Variants in ARHGAP44 observed in about 807,000 individuals in gnomAD.
The protein encoded by ARHGAP44 is Rho GTPase activating protein 44.
In ARHGAP44, 43 loss-of-function variants were observed where a neutral mutation model predicts 106.8. The observed-to-expected ratio is 0.40, with a 90% CI of 0.32 to 0.52. The LOEUF (loss-of-function observed/expected upper bound fraction) is 0.52. ARHGAP44 is among the 20% of genes least tolerant of loss of function. The pLI, the probability that ARHGAP44 is intolerant of heterozygous loss-of-function variation, is 0.48. For missense variants in ARHGAP44, 866 were observed against 1,050.5 expected, an observed-to-expected ratio of 0.82 and a Z score of 2.43; for synonymous variants, 439 against 410.3, an observed-to-expected ratio of 1.07 and a Z score of -0.85.
intron 1 of ARHGAP44, among the ~76,000 whole-genome samples, chr17:12,863,595 G>T (rs2036153602): frequency 6.6e-6 from 1 of 152,124 alleles, no homozygotes; most frequent in South Asian, 2.1e-4. Context: ...GGAGAGACCT[G>T]GAGACAATAC....
At chr17:12,918,105 G>A (rs1341616496) in intron 5 of ARHGAP44, among the ~76,000 whole-genome samples, 1 of 152,200 alleles carries the variant, frequency 6.6e-6, no homozygotes, top group African/African-American at 2.4e-5. Context: ...GCCTCAAAAG[G>A]AGGGTCCCGG....
At chr17:12,851,557 C>T (rs75561345) in intron 1 of ARHGAP44, among the ~76,000 whole-genome samples, 57 of 152,090 alleles carry the variant, frequency 3.7e-4, no homozygotes, top group African/African-American at 1.2e-3. Context: ...AACCTCCGTC[C>T]GGTTGTAGCT....
intron 4 of ARHGAP44, among the ~76,000 whole-genome samples, chr17:12,913,180 A>G (rs1011257816): frequency 6.6e-6 from 1 of 152,230 alleles, no homozygotes; most frequent in African/African-American, 2.4e-5. Flanking sequence ...AACAGAAGAA[A>G]AAAATTAGCA....
At position 12,791,647 on chromosome 17, in the gene ARHGAP44, T is replaced by C. The variant is rs538781881; in HGVS notation, c.53+1756T>C. On this transcript the variant is annotated intron_variant, in intron 1 of 20. Transcript: ENST00000379672. ...GGGAGATTTTTGCGCCATGGCATCA[T>C]ATCTTATTTTTCAGCCTCATCCATG... Among the ~76,000 whole-genome samples, 265 of 152,326 alleles carry C rather than the reference T, an allele frequency of 1.7e-3. 1 individual carries two copies. The highest frequency in any genetic ancestry group is 6.1e-3 in the African/African-American group (255 of 41,572).
rs1421252891 is a variant in ARHGAP44 at position 12,903,098 on chromosome 17, GA to G, written c.199-5798del. Among the ~76,000 whole-genome samples, 367 of 76,264 alleles carry G rather than the reference GA, an allele frequency of 4.8e-3. 1 individual carries two copies. Among genetic ancestry groups the G allele is most frequent in the Non-Finnish European group, 7.2e-3 (297 of 41,014 alleles). The allele number at this position is 76,264 out of a possible 152,430, so 50.0% of individuals were successfully genotyped here. A position where few individuals can be genotyped will look rare whatever the true frequency, so the allele number is the denominator to read the frequency against. ...AGGGAATATATGAGAGAGAGAGAGA[GA>G]GAGAGAGAGAGAGAGAGAGAGAGAG... On this transcript the variant is annotated intron_variant, in intron 3 of 20. Coordinates refer to ENST00000379672, the MANE Select transcript of ARHGAP44 (RefSeq NM_014859.6).
chr17:12,949,879 C>T lies in ARHGAP44; in HGVS notation c.1055+149C>T. On this transcript the variant is annotated intron_variant, in intron 12 of 20. Transcript: ENST00000379672. The surrounding 1 kb of genome is among the most constrained non-coding windows in gnomAD (Gnocchi z 4.1). ...GTGCTTATACATTTGCCCAAGGAGG[C>T]AGGTCCAGGGATATTGATGGTAGCA... 1.4e-6 allele frequency: 1 copy of T among 722,242 alleles called. No individual in the cohort carries two copies. The allele number at this position is 722,242 out of a possible 1,614,324, so 44.7% of individuals were successfully genotyped here. A position where few individuals can be genotyped will look rare whatever the true frequency, so the allele number is the denominator to read the frequency against.
rs572219329 is a variant in ARHGAP44, at chr17:12,895,512, A to G, written c.93+533A>G. ...CTTCTTTTGAGAAGTGTCTGTTCAT[A>G]TCTGTCACCCACTTTTTGATGGGGT... On this transcript the variant is annotated intron_variant, in intron 2 of 20. Transcript: ENST00000379672. Among the ~76,000 whole-genome samples the G allele has an allele frequency of 2.6e-5, 4 of 152,272 alleles. No homozygotes were observed. The East Asian group carries it at 7.7e-4, about 29-fold the overall frequency.
chr17:12,871,018 T>G (rs1009076447), intron 1 of ARHGAP44, among the ~76,000 whole-genome samples: 3 of 152,234 alleles, frequency 2.0e-5, no homozygotes, highest in Non-Finnish European at 4.4e-5. Context: ...TCTTTTTGTT[T>G]GTTTACATTT....
At chr17:12,987,178 C>G (rs1002793734) in intron 20 of ARHGAP44, 160 of 1,527,292 alleles carry the variant, frequency 1.0e-4, no homozygotes, top group Non-Finnish European at 1.3e-4. Context: ...CCTCGCCCCT[C>G]CACCCCGCTA....
intron 7 of ARHGAP44, among the ~76,000 whole-genome samples, chr17:12,932,336 G>A (rs891149978): frequency 1.3e-5 from 2 of 152,122 alleles, no homozygotes; most frequent in East Asian, 3.8e-4. Flanking sequence ...TTAATTTGGT[G>A]AATTGCCTAT....
At chr17:12,887,972 A>G (rs1478211692) in intron 1 of ARHGAP44, among the ~76,000 whole-genome samples, 9 of 151,018 alleles carry the variant, frequency 6.0e-5, no homozygotes, top group Non-Finnish European at 2.9e-5. Flanking sequence ...TGTTAATGAT[A>G]TTCCCTGCTT....
intron 3 of ARHGAP44, among the ~76,000 whole-genome samples, chr17:12,904,038 G>A (rs896531862): frequency 1.3e-5 from 2 of 152,130 alleles, no homozygotes; most frequent in African/African-American, 4.8e-5. Context: ...CTTTGATTAT[G>A]GGGTTGCTAA....
chr17:12,948,188 G>A (rs1224620103), intron 10 of ARHGAP44, among the ~76,000 whole-genome samples: 1 of 152,178 alleles, frequency 6.6e-6, no homozygotes, highest in African/African-American at 2.4e-5. Context: ...CTTCCACACA[G>A]CCCTCTCCTC....
At chr17:12,842,283 GGC>G (rs1206533847) in intron 1 of ARHGAP44, among the ~76,000 whole-genome samples, 1 of 151,902 alleles carries the variant, frequency 6.6e-6, no homozygotes, top group African/African-American at 2.4e-5. Flanking sequence ...TGGATGTGGT[GGC>G]ACACACCTGT....
At chr17:12,827,794 C>G (rs559197493) in intron 1 of ARHGAP44, among the ~76,000 whole-genome samples, 1 of 151,872 alleles carries the variant, frequency 6.6e-6, no homozygotes, top group Non-Finnish European at 1.5e-5. Context: ...TTGATGAAGT[C>G]TCTTACTGCC....
chr17:12,980,250 C>T lies in ARHGAP44; in HGVS notation c.1939+17C>T. 1 of 1,595,050 alleles carries T rather than the reference C, an allele frequency of 6.3e-7. No homozygotes were observed. Among genetic ancestry groups the T allele is most frequent in the Non-Finnish European group, 8.5e-7 (1 of 1,169,620 alleles). On this transcript the variant is annotated intron_variant, in intron 19 of 20. Transcript: ENST00000379672. ...TCCGGAAAGGTATGGCCCTGCTTCC[C>T]TTCTCCTTGGTCTCAGGCCGGAGGT...
At chr17:12,904,107 G>C (rs754362069) in intron 3 of ARHGAP44, among the ~76,000 whole-genome samples, 32 of 151,484 alleles carry the variant, frequency 2.1e-4, no homozygotes, top group Non-Finnish European at 3.8e-4. Context: ...TGATTCTTTT[G>C]TTTTTTTTCT....
At chr17:12,908,191 C>CTTTTTTTTTT (rs1228178926) in intron 3 of ARHGAP44, among the ~76,000 whole-genome samples, 1 of 95,610 alleles carries the variant, frequency 1.0e-5, no homozygotes, top group African/African-American at 4.3e-5. Flanking sequence ...TGCCTCATTT[C>CTTTTTTTTTT]TTTTTTTTTT....
In ARHGAP44 at chr17:12,984,928, C is replaced by T. The variant is rs749096984; in HGVS notation, c.2317+20C>T. On this transcript the variant is annotated intron_variant, in intron 20 of 20. Coordinates refer to ENST00000379672, the MANE Select transcript of ARHGAP44 (RefSeq NM_014859.6). ...CTACAGGTAACCAAGCCACAGGCTC[C>T]CTCACTTTTTTTTATGAACTTTAGT... 1.9e-6 allele frequency: 3 copies of T among 1,578,460 alleles called. No homozygotes were observed. In the South Asian group the frequency reaches 3.4e-5, roughly 18 times the overall value.
Sources: allele counts gnomAD v4.1 joint callset (sites outside exome capture counted in the v4.1 genomes callset), GRCh38; gene constraint gnomAD v4.1.1; non-coding constraint Gnocchi (gnomAD v3.1); transcripts MANE v1.5; gene names NCBI Gene and HGNC (gene_info 2026-07-23, HGNC 2026-07-21).